Variants in CDH13 observed in about 807,000 individuals in gnomAD.
The protein encoded by CDH13 is cadherin 13.
CDH13 carries 24 observed loss-of-function variants against 63.8 expected under a neutral mutation model. The ratio of observed to expected loss-of-function variants is 0.38; its 90% confidence interval spans 0.27 to 0.53. The LOEUF (loss-of-function observed/expected upper bound fraction) is 0.53. Among genes scored for constraint, CDH13 ranks in the 20% least tolerant of loss-of-function variants. The pLI is 0.85. For missense variants in CDH13, 1,049 were observed against 903.1 expected, an observed-to-expected ratio of 1.16 and a Z score of -2.07; for synonymous variants, 503 against 355.3, an observed-to-expected ratio of 1.42 and a Z score of -4.67.
chr16:82,834,618 C>T (rs1300325405), intron 1 of CDH13, among the ~76,000 whole-genome samples: 1 of 152,194 alleles, frequency 6.6e-6, no homozygotes, highest in Admixed American at 6.5e-5. Flanking sequence ...AGCAGCTGAC[C>T]AGCTTTGGGT....
At position 83,800,115 on chromosome 16, in the gene CDH13, G is replaced by A. The variant is rs938517409; in HGVS notation, c.*5085G>A. The A allele has an allele frequency of 2.6e-5, 4 of 152,132 alleles. No individual in the cohort carries two copies. The highest frequency in any genetic ancestry group is 4.8e-5 in the African/African-American group (2 of 41,436). The allele number at this position is 152,132 out of a possible 1,614,324, so 9.4% of individuals were successfully genotyped here. The stretch of plus-strand genomic sequence containing the variant: ...TGAACCATTTTATTTGACTTTCCAC[G>A]TGCCGTCTCATTGGTAGGGAGATGG... On this transcript the variant is annotated 3_prime_UTR_variant, in exon 14 of 14. Coordinates refer to ENST00000567109, the MANE Select transcript of CDH13 (RefSeq NM_001257.5).
At chr16:83,730,165 A>G (rs1343070717) in intron 10 of CDH13, among the ~76,000 whole-genome samples, 3 of 152,166 alleles carry the variant, frequency 2.0e-5, no homozygotes, top group South Asian at 2.1e-4. Flanking sequence ...TTATTTTTCT[A>G]TAGTAAACAT....
At chr16:83,417,873 G>A (rs2071599382) in intron 6 of CDH13, among the ~76,000 whole-genome samples, 1 of 152,114 alleles carries the variant, frequency 6.6e-6, no homozygotes, top group South Asian at 2.1e-4. Flanking sequence ...ACAGCAAAAT[G>A]GTTCCAGTCA....
At chr16:83,204,400 G>C (rs924550001) in intron 4 of CDH13, among the ~76,000 whole-genome samples, 1 of 152,178 alleles carries the variant, frequency 6.6e-6, no homozygotes, top group Admixed American at 6.5e-5. Context: ...GCATGTGCCG[G>C]AGTCAGTGTT....
intron 2 of CDH13, among the ~76,000 whole-genome samples, chr16:83,009,116 C>T (rs1341679360): frequency 6.6e-6 from 1 of 152,156 alleles, no homozygotes; most frequent in African/African-American, 2.4e-5. Context: ...AAGTATAATT[C>T]AAGATGAAAT....
chr16:82,954,025 G>T (rs1360743114), intron 2 of CDH13: 2 of 152,124 alleles, frequency 1.3e-5, no homozygotes, highest in Non-Finnish European at 2.9e-5. Flanking sequence ...TATGGGCTCA[G>T]ATAGTTTATT....
At chr16:83,175,591 GTCCTT>G (rs1254492867) in intron 4 of CDH13, among the ~76,000 whole-genome samples, 1 of 152,072 alleles carries the variant, frequency 6.6e-6, no homozygotes, top group Non-Finnish European at 1.5e-5. Context: ...TGTGTTGTCA[GTCCTT>G]AGTTTTGAGA....
At chr16:83,546,778 A>G (rs566516492) in intron 7 of CDH13, among the ~76,000 whole-genome samples, 1 of 152,284 alleles carries the variant, frequency 6.6e-6, no homozygotes, top group South Asian at 2.1e-4. Context: ...TTATTAGGCT[A>G]TTGTTACTCA....
At chr16:82,695,996 CTTTCTAA>C (rs1381946455) in intron 1 of CDH13, among the ~76,000 whole-genome samples, 1 of 152,148 alleles carries the variant, frequency 6.6e-6, no homozygotes, top group Admixed American at 6.5e-5. Flanking sequence ...AACACTAAGC[CTTTCTAA>C]TGTTTCTCTG....
intron 1 of CDH13, among the ~76,000 whole-genome samples, chr16:82,791,866 C>G (rs1366368637): frequency 6.6e-6 from 1 of 152,180 alleles, no homozygotes; most frequent in African/African-American, 2.4e-5. Flanking sequence ...AGGTTCCATT[C>G]CCTGGAATTC....
intron 7 of CDH13, among the ~76,000 whole-genome samples, chr16:83,563,920 T>A (rs542025401): frequency 9.8e-5 from 15 of 152,302 alleles, no homozygotes; most frequent in South Asian, 4.2e-4. Context: ...CATCCTGGAA[T>A]CTGAGAGATC....
intron 6 of CDH13, among the ~76,000 whole-genome samples, chr16:83,376,746 C>A (rs1261030005): frequency 6.6e-6 from 1 of 152,112 alleles, no homozygotes; most frequent in East Asian, 1.9e-4. Flanking sequence ...GGCCAGAAAT[C>A]TTTGAGCATC....
intron 4 of CDH13, among the ~76,000 whole-genome samples, chr16:83,189,648 A>G (rs2038635592): frequency 6.6e-6 from 1 of 152,176 alleles, no homozygotes; most frequent in South Asian, 2.1e-4. Flanking sequence ...TTTGCGTGGT[A>G]GCCTGATCTT....
chr16:83,499,841 T>C (rs1038417383), intron 7 of CDH13, among the ~76,000 whole-genome samples: 3 of 152,226 alleles, frequency 2.0e-5, no homozygotes, highest in Non-Finnish European at 4.4e-5. Flanking sequence ...TCGCTATTAT[T>C]GCTCAAGCTG....
chr16:83,117,187 C>T lies in CDH13; in HGVS notation c.367-8198C>T, dbSNP rs79444136. On this transcript the variant is annotated intron_variant, in intron 3 of 13. Transcript: ENST00000567109. ...ACCCTTCCAGGGCTCACTCCTCATG[C>T]GGAGTAAAAGCCAGGGCCCTCTCCA... is the stretch of plus-strand genomic sequence containing the variant. 2.7e-3 allele frequency among the ~76,000 whole-genome samples: 418 copies of T among 152,344 alleles called. 5 individuals carry two copies. Among genetic ancestry groups the T allele is most frequent in the Non-Finnish European group, 4.5e-3 (309 of 68,028 alleles).
At chr16:82,912,453 C>G (rs533401958) in intron 2 of CDH13, among the ~76,000 whole-genome samples, 41 of 152,340 alleles carry the variant, frequency 2.7e-4, no homozygotes, top group African/African-American at 9.4e-4. Context: ...GCCCTTCCCC[C>G]AGATGACTGG....
chr16:83,791,256 G>A (rs1446742389), intron 13 of CDH13, among the ~76,000 whole-genome samples: 4 of 152,274 alleles, frequency 2.6e-5, no homozygotes, highest in Non-Finnish European at 4.4e-5. Context: ...CAACACTTTC[G>A]GAAGCCTAGG....
intron 1 of CDH13, chr16:82,825,052 G>C (rs759088343): frequency 5.3e-5 from 8 of 152,166 alleles, no homozygotes; most frequent in Non-Finnish European, 8.8e-5. Context: ...GTGAGCTAAT[G>C]GTAGCCATGA....
intron 6 of CDH13, among the ~76,000 whole-genome samples, chr16:83,439,546 A>G (rs1245183792): frequency 2.0e-5 from 3 of 152,110 alleles, no homozygotes; most frequent in Non-Finnish European, 4.4e-5. Context: ...GCTAAATCTC[A>G]TCTTTAGGTA....
Sources: gnomAD v4.1 joint callset for allele counts (sites outside exome capture counted in the v4.1 genomes callset) on GRCh38, gnomAD v4.1.1 for gene constraint, MANE v1.5 for transcripts, NCBI Gene and HGNC (gene_info 2026-07-23, HGNC 2026-07-21) for gene names.